Variants in ROCK2 observed in about 807,000 individuals in gnomAD.
The protein encoded by ROCK2 is rho-associated protein kinase 2.
In ROCK2, 61 loss-of-function variants were observed where a neutral mutation model predicts 195.1. The observed-to-expected ratio is 0.31, with a 90% confidence interval of 0.25 to 0.39. The LOEUF (loss-of-function observed/expected upper bound fraction) is 0.39. ROCK2 is among the 10% of genes least tolerant of loss of function. The pLI is 1.00. For missense variants in ROCK2, 1,109 were observed against 1,637.4 expected (o/e 0.68, Z 5.57); for synonymous variants, 504 against 545.5 (o/e 0.92, Z 1.06).
At position 11,224,221 on chromosome 2, in the gene ROCK2, G is replaced by A. The variant is rs1370500783; in HGVS notation, c.1007+101C>T. 5 of 1,138,052 alleles carry A rather than the reference G, an allele frequency of 4.4e-6. No homozygotes were observed. The South Asian group carries it at 4.7e-5, about 11-fold the overall frequency. 70.5% of individuals were successfully genotyped at this position (1,138,052 alleles called of 1,614,324 possible). ...CAGAATTAGATGCTACTTGGGTAAT[G>A]AGAGGCAGACTGATTTCATATGTTA... is the stretch of plus-strand genomic sequence containing the variant. On this transcript the variant is annotated intron_variant, in intron 7 of 32. Transcript: ENST00000315872.
intron 7 of ROCK2, 38 bp downstream of exon 7, chr2:11,224,284 T>G: frequency 4.5e-6 from 7 of 1,551,496 alleles, no homozygotes; most frequent in Non-Finnish European, 6.1e-6. Flanking sequence ...AAATTTAACA[T>G]AAAGGGCTTC....
chr2:11,291,320 C>T (rs546151109), intron 1 of ROCK2, among the ~76,000 whole-genome samples: 4 of 152,266 alleles, frequency 2.6e-5, no homozygotes, highest in East Asian at 1.9e-4. Context: ...GAGGCCGAGG[C>T]GGGCGCATCG....
At position 11,235,559 on chromosome 2, in the gene ROCK2, A is replaced by T; in HGVS notation, c.723+143T>A. ...TTTAAGTTGGTTAAGGAAATGTTTTAAGTTGGTTATATCTTGTTTGGGTGC... is the reference window on the plus strand; with the variant it reads ...TTTAAGTTGGTTAAGGAAATGTTTTTAGTTGGTTATATCTTGTTTGGGTGC... On this transcript the variant is annotated intron_variant, in intron 5 of 32. Transcript: ENST00000315872. This position sits in a 1 kb window ranked among gnomAD's most constrained non-coding sequence, Gnocchi z 4.2. 1.3e-6 allele frequency: 1 copy of T among 754,426 alleles called. No homozygotes were observed. The highest frequency in any genetic ancestry group is 2.1e-6 in the Non-Finnish European group (1 of 476,194). 46.7% of individuals were successfully genotyped at this position (754,426 alleles called of 1,614,324 possible).
intron 4 of ROCK2, among the ~76,000 whole-genome samples, chr2:11,245,068 T>C (rs1425550551): frequency 2.6e-5 from 4 of 151,864 alleles, no homozygotes; most frequent in Non-Finnish European, 5.9e-5. Flanking sequence ...TTATTGCAAA[T>C]AGCATTTACT....
At chr2:11,276,842 C>G (rs915555048) in intron 3 of ROCK2, among the ~76,000 whole-genome samples, 1 of 151,928 alleles carries the variant, frequency 6.6e-6, no homozygotes, top group African/African-American at 2.4e-5. Flanking sequence ...ATAGACGTAA[C>G]AGGAGGAAGG....
intron 3 of ROCK2, among the ~76,000 whole-genome samples, chr2:11,277,006 GA>G (rs910073624): frequency 1.3e-5 from 2 of 152,070 alleles, no homozygotes; most frequent in Non-Finnish European, 1.5e-5. Flanking sequence ...TAGGTTTACA[GA>G]AAAACCGAAT....
chr2:11,273,928 CAAA>C (rs34951428), intron 3 of ROCK2, among the ~76,000 whole-genome samples: 1 of 108,016 alleles, frequency 9.3e-6, no homozygotes, highest in Non-Finnish European at 1.8e-5. Context: ...GACTCCATCT[CAAA>C]AAAAAAAAAA....
At chr2:11,255,216 CAAA>C (rs70953375) in intron 3 of ROCK2, among the ~76,000 whole-genome samples, 49,457 of 109,146 alleles carry the variant, frequency 0.45, 11,477 homozygotes, top group Non-Finnish European at 0.54. Flanking sequence ...GACCCCATCT[CAAA>C]AAAAAAAAAA....
intron 12 of ROCK2, among the ~76,000 whole-genome samples, chr2:11,216,495 ATTTC>A (rs1042037181): frequency 8.7e-5 from 12 of 137,444 alleles, no homozygotes; most frequent in East Asian, 6.4e-4. Flanking sequence ...GTAGCTCTCC[ATTTC>A]TTTCTTTCTT....
At position 11,193,829 on chromosome 2, in the gene ROCK2, G is replaced by T; in HGVS notation, c.3637C>A (p.Gln1213Lys). ...GCATCTGCTCTATACACATCTGTCT[G>T]TGTAACTGGTCGGACATGAAATAAC... ...DKLFHVRPVTQTDVYRADAKE... is the reference protein window; with the variant it reads ...DKLFHVRPVTKTDVYRADAKE... Residue 1213 changes from glutamine to lysine, a missense_variant, in exon 30 of 33, where the codon CAG becomes AAG. This residue lies in a region of ROCK2 where 221 missense variants were observed against 355.1 expected (regional missense o/e 0.62). Coordinates refer to ENST00000315872, the MANE Select transcript of ROCK2 (RefSeq NM_004850.5). 6.2e-7 allele frequency: 1 copy of T among 1,601,002 alleles called. No individual in the cohort carries two copies. The highest frequency in any genetic ancestry group is 8.5e-7 in the Non-Finnish European group (1 of 1,172,292).
chr2:11,335,569 T>C (rs963017547), intron 1 of ROCK2, among the ~76,000 whole-genome samples: 1 of 152,178 alleles, frequency 6.6e-6, no homozygotes, highest in African/African-American at 2.4e-5. Context: ...CATGAAGAAA[T>C]TCAAGAGGCC....
intron 1 of ROCK2, among the ~76,000 whole-genome samples, chr2:11,311,763 G>A (rs928462811): frequency 6.7e-5 from 10 of 149,596 alleles, no homozygotes; most frequent in Middle Eastern, 3.4e-3. Context: ...GCGCACACGC[G>A]CGTGCACACA....
At chr2:11,187,994 G>A (rs1053096723) in intron 32 of ROCK2, among the ~76,000 whole-genome samples, 2 of 150,826 alleles carry the variant, frequency 1.3e-5, no homozygotes, top group Non-Finnish European at 2.9e-5. Context: ...GTGAGCATTT[G>A]TTACATTTTT....
intron 1 of ROCK2, among the ~76,000 whole-genome samples, chr2:11,343,611 C>T (rs1469692548): frequency 6.6e-6 from 1 of 152,160 alleles, no homozygotes; most frequent in African/African-American, 2.4e-5. Context: ...GTTTCTTTCT[C>T]CCTCGCTCGC....
chr2:11,344,569 C>G lies in ROCK2; in HGVS notation c.-433G>C. 1 of 869,972 alleles carries G rather than the reference C, an allele frequency of 1.1e-6. No homozygotes were observed. Among genetic ancestry groups the G allele is most frequent in the African/African-American group, 1.8e-5 (1 of 54,696 alleles). The allele number at this position is 869,972 out of a possible 1,614,324, so 53.9% of individuals were successfully genotyped here. A position where few individuals can be genotyped will look rare whatever the true frequency, so the allele number is the denominator to read the frequency against. On this transcript the variant is annotated 5_prime_UTR_variant, in exon 1 of 33. Coordinates refer to ENST00000315872, the MANE Select transcript of ROCK2 (RefSeq NM_004850.5). This position sits in a 1 kb window ranked among gnomAD's most constrained non-coding sequence, Gnocchi z 5.4. ...GCCGCCGCCGGCCCGCTGCCATGGT[C>G]GCCGCCGGCCGCCTTGCAGTCCCTC... is the stretch of plus-strand genomic sequence containing the variant.
chr2:11,236,592 A>G (rs1338071809), intron 4 of ROCK2, among the ~76,000 whole-genome samples: 1 of 152,206 alleles, frequency 6.6e-6, no homozygotes, highest in Non-Finnish European at 1.5e-5. Context: ...ATACCAGTCC[A>G]GGTTGCTACT....
chr2:11,344,796 C>T (rs1410623351), upstream of ROCK2, among the ~76,000 whole-genome samples: 4 of 150,602 alleles, frequency 2.7e-5, no homozygotes, highest in Non-Finnish European at 5.9e-5. This position sits in a 1 kb window ranked among gnomAD's most constrained non-coding sequence, Gnocchi z 5.4. Flanking sequence ...TTCTCCTCTG[C>T]GCCCCTTCCT....
At chr2:11,273,242 A>G (rs1264375391) in intron 3 of ROCK2, among the ~76,000 whole-genome samples, 1 of 152,172 alleles carries the variant, frequency 6.6e-6, no homozygotes, top group Non-Finnish European at 1.5e-5. Flanking sequence ...ATGAATTAAA[A>G]AAAAGATCCA....
intron 1 of ROCK2, among the ~76,000 whole-genome samples, chr2:11,309,124 T>C (rs1189892652): frequency 2.6e-5 from 4 of 151,920 alleles, no homozygotes; most frequent in Non-Finnish European, 5.9e-5. Flanking sequence ...CACTGATGTA[T>C]AGGACTCCTT....
Sources: gnomAD v4.1 joint callset for allele counts (sites outside exome capture counted in the v4.1 genomes callset) on GRCh38, gnomAD v4.1.1 for gene constraint, gnomAD v4.1.1 regional missense constraint, Gnocchi (gnomAD v3.1) non-coding constraint, MANE v1.5 for transcripts, NCBI Gene and HGNC (gene_info 2026-07-23, HGNC 2026-07-21) for gene names.